The following CHST11 variants were observed in gnomAD, a reference collection of about 807,000 sequenced individuals.
The protein encoded by CHST11 is C4S-1.
In CHST11, 9 loss-of-function variants were observed where a neutral mutation model predicts 30.4. The observed-to-expected ratio is 0.30, with a 90% CI of 0.18 to 0.52. CHST11 has a LOEUF of 0.52. Among genes scored for constraint, CHST11 ranks in the 20% least tolerant of loss-of-function variants. The pLI, the probability that CHST11 is intolerant of heterozygous loss-of-function variation, is 0.97. For missense variants in CHST11, 348 were observed against 460.6 expected, an observed-to-expected ratio of 0.76 and a Z score of 2.24; for synonymous variants, 152 against 187.8, an observed-to-expected ratio of 0.81 and a Z score of 1.56.
At chr12:104,653,993 G>A (rs2039519075) in intron 2 of CHST11, among the ~76,000 whole-genome samples, 2 of 152,208 alleles carry the variant, frequency 1.3e-5, no homozygotes, top group African/African-American at 2.4e-5. Context: ...ATGGTCTCGA[G>A]CAAGCCGTAG....
intron 2 of CHST11, among the ~76,000 whole-genome samples, chr12:104,634,363 G>T (rs575071998): frequency 6.6e-6 from 1 of 152,224 alleles, no homozygotes; most frequent in African/African-American, 2.4e-5. Context: ...TCCAGAGGTC[G>T]TCATGTGGAA....
chr12:104,558,747 A>G (rs1704902), intron 1 of CHST11, among the ~76,000 whole-genome samples: 2 of 151,610 alleles, frequency 1.3e-5, no homozygotes, highest in African/African-American at 4.9e-5. Flanking sequence ...ACATGTTGCC[A>G]AGGCTGGTCT....
At chr12:104,669,488 G>A (rs1043075225) in intron 2 of CHST11, among the ~76,000 whole-genome samples, 1 of 152,138 alleles carries the variant, frequency 6.6e-6, no homozygotes, top group African/African-American at 2.4e-5. Flanking sequence ...GATTCTGAAT[G>A]CAGGCCTCCA....
chr12:104,510,093 A>G (rs191642465), intron 1 of CHST11, among the ~76,000 whole-genome samples: 11 of 152,344 alleles, frequency 7.2e-5, no homozygotes, highest in African/African-American at 2.2e-4. Context: ...AGAGGTCCCC[A>G]TCACTTCTTC....
chr12:104,482,667 C>T (rs936739757), intron 1 of CHST11, among the ~76,000 whole-genome samples: 1 of 152,024 alleles, frequency 6.6e-6, no homozygotes, highest in Non-Finnish European at 1.5e-5. Flanking sequence ...AGTGTGTGCC[C>T]GGAGCTTCAC....
intron 1 of CHST11, among the ~76,000 whole-genome samples, chr12:104,601,478 C>G (rs2038956572): frequency 6.6e-6 from 1 of 152,200 alleles, no homozygotes; most frequent in Non-Finnish European, 1.5e-5. Context: ...TTCTCAGAAG[C>G]CCAGCTTTCA....
In CHST11 at chr12:104,690,787, C is replaced by T. The variant is rs548899531; in HGVS notation, c.205-66162C>T. Reference sequence around the variant, plus strand: ...AGGATGCAGTGAGCCAGGATTGCACCACTGCACTCCAGCCTGGGCAACAGA... The same window carrying T: ...AGGATGCAGTGAGCCAGGATTGCACTACTGCACTCCAGCCTGGGCAACAGA... On this transcript the variant is annotated intron_variant, in intron 2 of 2. Transcript: ENST00000303694. 2.6e-5 allele frequency among the ~76,000 whole-genome samples: 4 copies of T among 152,098 alleles called. No individual in the cohort carries two copies. The South Asian group carries it at 8.3e-4, about 31-fold the overall frequency.
intron 2 of CHST11, among the ~76,000 whole-genome samples, chr12:104,623,692 C>T (rs1338539078): frequency 2.6e-5 from 4 of 151,826 alleles, no homozygotes; most frequent in Non-Finnish European, 5.9e-5. Context: ...CCGAGATCGC[C>T]TGGGTGACAG....
chr12:104,652,877 T>G (rs1424607165), intron 2 of CHST11, among the ~76,000 whole-genome samples: 1 of 151,976 alleles, frequency 6.6e-6, no homozygotes, highest in African/African-American at 2.4e-5. Context: ...CTGCTTGGCC[T>G]CTGCTCCCTA....
intron 2 of CHST11, among the ~76,000 whole-genome samples, chr12:104,637,341 T>C (rs886544004): frequency 4.2e-5 from 1 of 24,080 alleles, no homozygotes; most frequent in African/African-American, 2.0e-4. Flanking sequence ...AAAAAGGGGG[T>C]TGGGGGAGGG....
chr12:104,560,376 A>G (rs562150808), intron 1 of CHST11, among the ~76,000 whole-genome samples: 25 of 152,142 alleles, frequency 1.6e-4, no homozygotes, highest in African/African-American at 6.0e-4. Flanking sequence ...TAAGAATTCA[A>G]CATGGCAGAG....
At chr12:104,569,113 C>T (rs544380772) in intron 1 of CHST11, among the ~76,000 whole-genome samples, 5 of 152,252 alleles carry the variant, frequency 3.3e-5, no homozygotes, top group African/African-American at 9.6e-5. Context: ...TTAGTATCCA[C>T]GGTCACAGAG....
chr12:104,557,312 A>G (rs2136013869), intron 1 of CHST11, among the ~76,000 whole-genome samples: 1 of 152,336 alleles, frequency 6.6e-6, no homozygotes, highest in African/African-American at 2.4e-5. Flanking sequence ...TTCACCGCTC[A>G]TCACCAGCTG....
intron 1 of CHST11, among the ~76,000 whole-genome samples, chr12:104,498,208 TG>T (rs2037819376): frequency 6.6e-6 from 1 of 152,106 alleles, no homozygotes; most frequent in African/African-American, 2.4e-5. Flanking sequence ...ATTGCAGGCA[TG>T]AGCCACTGCA....
At chr12:104,653,495 G>A (rs929965114) in intron 2 of CHST11, among the ~76,000 whole-genome samples, 6 of 152,160 alleles carry the variant, frequency 3.9e-5, no homozygotes, top group East Asian at 1.9e-4. Context: ...GTGCTAAAAT[G>A]TGTACTCATG....
intron 1 of CHST11, among the ~76,000 whole-genome samples, chr12:104,503,131 G>A (rs2037868329): frequency 6.6e-6 from 1 of 152,184 alleles, no homozygotes; most frequent in Non-Finnish European, 1.5e-5. Flanking sequence ...TTGGTAGATG[G>A]GAGCAATATG....
intron 1 of CHST11, among the ~76,000 whole-genome samples, chr12:104,468,396 G>GA (rs1000191103): frequency 6.6e-6 from 1 of 152,168 alleles, no homozygotes; most frequent in East Asian, 1.9e-4. Context: ...TACAAGGGGG[G>GA]AAACTGAAGC....
At chr12:104,699,538 T>A (rs2039974679) in intron 2 of CHST11, among the ~76,000 whole-genome samples, 1 of 152,212 alleles carries the variant, frequency 6.6e-6, no homozygotes, top group Admixed American at 6.5e-5. Flanking sequence ...ACAGCACTGG[T>A]CTCAATTGTA....
chr12:104,476,679 G>A (rs764522570), intron 1 of CHST11, among the ~76,000 whole-genome samples: 3 of 151,984 alleles, frequency 2.0e-5, no homozygotes, highest in Non-Finnish European at 2.9e-5. Context: ...CTTGATAAGT[G>A]TAACCAAATT....
Sources: gnomAD v4.1 joint callset for allele counts (sites outside exome capture counted in the v4.1 genomes callset) on GRCh38, gnomAD v4.1.1 for gene constraint, MANE v1.5 for transcripts, NCBI Gene and HGNC (gene_info 2026-07-23, HGNC 2026-07-21) for gene names.